The following HKDC1 variants were observed in gnomAD, a reference collection of about 807,000 sequenced individuals.
HKDC1 encodes the protein hexokinase HKDC1.
HKDC1 carries 66 observed loss-of-function variants against 96.6 expected under a neutral mutation model. The ratio of observed to expected loss-of-function variants is 0.68; its 90% CI spans 0.56 to 0.84. The LOEUF (loss-of-function observed/expected upper bound fraction) is 0.84, where lower values mean the gene tolerates loss of function less well. Ranked by LOEUF, HKDC1 falls within the 40% of genes least tolerant of loss-of-function variation. HKDC1 has a pLI of 0.00. For synonymous variants in HKDC1, 466 were observed against 473.1 expected (o/e 0.98, Z 0.20); for missense variants, 1,211 against 1,208.1 (o/e 1.00, Z -0.04).
intron 7 of HKDC1, among the ~76,000 whole-genome samples, chr10:69,244,048 T>C (rs1328431750): frequency 6.6e-6 from 1 of 152,030 alleles, no homozygotes; most frequent in Non-Finnish European, 1.5e-5. Flanking sequence ...CGTGTTCGCA[T>C]GTCCCCCAGC....
At chr10:69,241,888 C>T (rs1843460988) in intron 6 of HKDC1, among the ~76,000 whole-genome samples, 1 of 152,174 alleles carries the variant, frequency 6.6e-6, no homozygotes, top group South Asian at 2.1e-4. Flanking sequence ...ACTGGACTGT[C>T]AGGCAAGGTG....
intron 16 of HKDC1, chr10:69,265,288 G>T: frequency 2.8e-6 from 1 of 353,870 alleles, no homozygotes. Flanking sequence ...CTGAAAAATG[G>T]GTACCTGGTG....
At chr10:69,264,876 A>G (rs1399425017) in intron 16 of HKDC1, among the ~76,000 whole-genome samples, 1 of 152,254 alleles carries the variant, frequency 6.6e-6, no homozygotes, top group East Asian at 1.9e-4. Flanking sequence ...CCATTAGTTC[A>G]CTGTGAGATG....
chr10:69,246,685 T>C (rs957714057), intron 8 of HKDC1, among the ~76,000 whole-genome samples: 1 of 152,242 alleles, frequency 6.6e-6, no homozygotes, highest in Non-Finnish European at 1.5e-5. Context: ...CCTGCTCCCA[T>C]CAGGAACTGG....
In HKDC1 at chr10:69,247,347, G is replaced by A. The variant is rs754392975; in HGVS notation, c.1032-13G>A. The stretch of plus-strand genomic sequence containing the variant: ...GGAGAAGTGTCGTTCACTCATTCCT[G>A]TCCCCTGGCCAGGTATAAAGAAGGC... On this transcript the variant is annotated splice_polypyrimidine_tract_variant and intron_variant, in intron 8 of 17. Transcript: ENST00000354624. The A allele has an allele frequency of 6.3e-7, 1 of 1,587,712 alleles. No homozygotes were observed. The highest frequency in any genetic ancestry group is 8.7e-7 in the Non-Finnish European group (1 of 1,155,866).
intron 10 of HKDC1, 139 bp from the exon 11 acceptor site, chr10:69,250,151 G>A (rs3740600): frequency 0.25 from 232,458 of 911,758 alleles, 31,710 homozygotes; most frequent in South Asian, 0.31. Flanking sequence ...ACTGTGCAGG[G>A]TGGCCCCCAC....
Position 69,261,175 on chromosome 10 carries a change from G to C in HKDC1, c.2253G>C (p.Glu751Asp), listed in dbSNP as rs752785416. 6 of 1,613,972 alleles carry C rather than the reference G, an allele frequency of 3.7e-6. No individual in the cohort carries two copies. The South Asian group carries it at 6.6e-5, about 18-fold the overall frequency. The change falls in exon 16 of 18, where the codon GAG (glutamate) becomes GAC (aspartate). Residue 751 changes from glutamate to aspartate, a missense_variant. Glu to Asp is a conservative substitution (Grantham distance 45). Coordinates refer to ENST00000354624, the MANE Select transcript of HKDC1 (RefSeq NM_025130.4). Reference protein sequence around the residue: ...EKMTSGMYLGEIVRQILIDLT... With the variant: ...EKMTSGMYLGDIVRQILIDLT... Reference sequence around the variant, plus strand: ...TGACCAGTGGGATGTACTTGGGGGAGATTGTGCGGCAGATCCTGATCGACC... The same window carrying C: ...TGACCAGTGGGATGTACTTGGGGGACATTGTGCGGCAGATCCTGATCGACC...
At position 69,248,624 on chromosome 10, in the gene HKDC1, C is replaced by T. The variant is rs1445312180; in HGVS notation, c.1466C>T (p.Ala489Val). Residue 489 changes from alanine (A) to valine (V), a missense_variant, in exon 10 of 18, where the codon GCC (alanine) becomes GTC (valine). Transcript: ENST00000354624. ...LTREQLVDVQ[A>V]KMRAELEYGL... is the part of the protein sequence containing the mutation. ...CGAGAGCAGCTCGTGGACGTGCAGG[C>T]CAAGATGCGGGCTGAGCTGGAGTAT... is the stretch of plus-strand genomic sequence containing the variant. The T allele has an allele frequency of 6.2e-7, 1 of 1,614,126 alleles. No homozygotes were observed. The highest frequency in any genetic ancestry group is 8.5e-7 in the Non-Finnish European group (1 of 1,180,026).
At chr10:69,231,131 T>C (rs1432376037) in intron 2 of HKDC1, among the ~76,000 whole-genome samples, 1 of 152,142 alleles carries the variant, frequency 6.6e-6, no homozygotes, top group Non-Finnish European at 1.5e-5. Flanking sequence ...GGGAGTGGGA[T>C]GCCTCCACAC....
intron 15 of HKDC1, 35 bp downstream of exon 15, chr10:69,258,994 G>A (rs1470252490): frequency 6.8e-7 from 1 of 1,480,374 alleles, no homozygotes; most frequent in Non-Finnish European, 9.0e-7. Context: ...TATGTGGGTT[G>A]TGTAGTGAAC....
rs768472931 is a variant in HKDC1 at position 69,265,711 on chromosome 10, C to A, written c.2499C>A (p.Cys833Ter). Residue 833 changes from cysteine to a stop codon, truncating the protein, a stop_gained, in exon 17 of 18, where the codon TGC becomes TGA. Transcript: ENST00000354624. LOFTEE classifies it high-confidence loss of function. ...TGTCCCGGCGGGCGGCCCAGCTCTG[C>A]GGTGCTGGCCTGGCCGCTATAGTGG... ...GAVSRRAAQL[C>*]GAGLAAIVEK... is the part of the protein sequence containing the mutation. 3 of 1,612,770 alleles carry A rather than the reference C, an allele frequency of 1.9e-6. No individual in the cohort carries two copies. Among genetic ancestry groups the A allele is most frequent in the Non-Finnish European group, 2.5e-6 (3 of 1,179,648 alleles).
intron 4 of HKDC1, among the ~76,000 whole-genome samples, chr10:69,235,337 A>G (rs1468827127): frequency 6.6e-6 from 1 of 150,828 alleles, no homozygotes; most frequent in Non-Finnish European, 1.5e-5. Context: ...CAGGAGAATC[A>G]CTTGAACCCA....
chr10:69,245,307 T>C (rs1012246301), intron 7 of HKDC1, among the ~76,000 whole-genome samples: 14 of 152,146 alleles, frequency 9.2e-5, no homozygotes, highest in African/African-American at 3.4e-4. Context: ...TATTTAGGCC[T>C]GATGCGGTGG....
In HKDC1 at chr10:69,232,798, G is replaced by A. The variant is rs1051670927; in HGVS notation, c.261G>A (p.Gly87=). The part of the protein sequence containing the change: ...NGEFLSLDLG[G]SKFRVLKVQV... ...AGTTCCTTTCCCTGGATCTCGGAGG[G>A]TCCAAGTTCCGAGTGCTGAAGGTGC... Residue 87 remains glycine, a synonymous_variant, in exon 3 of 18, where the codon GGG becomes GGA. Coordinates refer to ENST00000354624, the MANE Select transcript of HKDC1 (RefSeq NM_025130.4). 6.2e-7 allele frequency: 1 copy of A among 1,614,134 alleles called. No individual in the cohort carries two copies.
intron 16 of HKDC1, among the ~76,000 whole-genome samples, chr10:69,263,484 C>A (rs1843842482): frequency 6.6e-6 from 1 of 152,174 alleles, no homozygotes; most frequent in African/African-American, 2.4e-5. Context: ...GCTGTGCTGA[C>A]TGCAGCCCAT....
intron 17 of HKDC1, 115 bp from the exon 18 acceptor site, chr10:69,266,495 A>T: frequency 1.9e-6 from 2 of 1,062,888 alleles, no homozygotes; most frequent in Non-Finnish European, 2.7e-6. Flanking sequence ...GAAGCTGTTT[A>T]GAGCCTTGAA....
In HKDC1 at chr10:69,243,197, C is replaced by A. The variant is rs149059487; in HGVS notation, c.707C>A (p.Ala236Glu). Residue 236 changes from alanine (A) to glutamate (E), a missense_variant, in exon 7 of 18, where the codon GCG becomes GAG. Transcript: ENST00000354624. ...VGVIIGTGTN[A>E]CYMEDMSNID... ...CCTGGTTCAGGAACTGGCACCAATGCGTGTTACATGGAGGACATGAGCAAC... is the reference window on the plus strand; with the variant it reads ...CCTGGTTCAGGAACTGGCACCAATGAGTGTTACATGGAGGACATGAGCAAC... 3.7e-6 allele frequency: 6 copies of A among 1,614,030 alleles called. No homozygotes were observed. In the African/African-American group the frequency reaches 4.0e-5, roughly 11 times the overall value.
chr10:69,233,186 G>T, intron 4 of HKDC1, 53 bp downstream of exon 4: 1 of 1,608,130 alleles, frequency 6.2e-7, no homozygotes. Flanking sequence ...GGGAATGTGG[G>T]CACGGGTGGG....
At chr10:69,220,940 A>C (rs1408266232) in intron 1 of HKDC1, among the ~76,000 whole-genome samples, 1 of 152,196 alleles carries the variant, frequency 6.6e-6, no homozygotes, top group Non-Finnish European at 1.5e-5. Flanking sequence ...ACCTGAGGTC[A>C]GGAGTTCGAG....
Sources: gnomAD v4.1 joint callset for allele counts (sites outside exome capture counted in the v4.1 genomes callset) on GRCh38, gnomAD v4.1.1 for gene constraint, MANE v1.5 for transcripts, NCBI Gene and HGNC (gene_info 2026-07-23, HGNC 2026-07-21) for gene names.